Variants in UNC13C observed in about 807,000 individuals in gnomAD.
UNC13C encodes unc-13 homolog C, also known as protein unc-13 homolog C.
A neutral mutation model predicts 245.4 loss-of-function variants in UNC13C; 174 were observed. The observed-to-expected ratio is 0.71, with a 90% CI of 0.63 to 0.80. The LOEUF (loss-of-function observed/expected upper bound fraction) is 0.80. UNC13C is among the 30% of genes least tolerant of loss of function. The probability of loss-of-function intolerance (pLI) is 0.00; values close to 1 mark genes in which losing one functional copy is unlikely to be tolerated. For synonymous variants in UNC13C, 992 were observed against 895.1 expected (o/e 1.11, Z -1.93); for missense variants, 2,829 against 2,602.9 (o/e 1.09, Z -1.89).
At chr15:54,038,191 G>A (rs1444149520) in intron 2 of UNC13C, among the ~76,000 whole-genome samples, 1 of 137,104 alleles carries the variant, frequency 7.3e-6, no homozygotes, top group East Asian at 2.2e-4. Flanking sequence ...GTGTGACCTT[G>A]GCTTACTGCA....
At chr15:53,862,850 G>A in the UNC13C span, among the ~76,000 whole-genome samples, 1 of 152,046 alleles carries the variant, frequency 6.6e-6, no homozygotes, top group African/African-American at 2.4e-5. Flanking sequence ...TATGATTTGA[G>A]GGGTAACAAC....
chr15:53,837,782 C>T, the UNC13C span, among the ~76,000 whole-genome samples: 1 of 152,180 alleles, frequency 6.6e-6, no homozygotes, highest in African/African-American at 2.4e-5. Context: ...CATGGCATTT[C>T]CCCAAAGGAT....
chr15:54,141,969 T>C (rs2032043618), intron 2 of UNC13C, among the ~76,000 whole-genome samples: 1 of 152,144 alleles, frequency 6.6e-6, no homozygotes, highest in South Asian at 2.1e-4. Context: ...AATTTTAATC[T>C]TTCCATTGCT....
At chr15:54,110,878 A>T (rs187017742) in intron 2 of UNC13C, among the ~76,000 whole-genome samples, 1 of 152,316 alleles carries the variant, frequency 6.6e-6, no homozygotes, top group East Asian at 1.9e-4. Context: ...GTAACTGCAG[A>T]TAAGAGTAAA....
At chr15:54,571,102 G>C (rs541844148) in intron 30 of UNC13C, among the ~76,000 whole-genome samples, 10 of 152,198 alleles carry the variant, frequency 6.6e-5, no homozygotes, top group African/African-American at 2.2e-4. Context: ...CTGGTGGCAT[G>C]GTGTCAAAAA....
chr15:54,201,206 G>A (rs2034510632), intron 4 of UNC13C, among the ~76,000 whole-genome samples: 1 of 151,822 alleles, frequency 6.6e-6, no homozygotes, highest in Admixed American at 6.6e-5. Context: ...CCAGACCAGA[G>A]AAATTAATAG....
chr15:54,173,909 G>A (rs77279510), intron 4 of UNC13C, among the ~76,000 whole-genome samples: 2,666 of 152,044 alleles, frequency 0.018, 89 homozygotes, highest in African/African-American at 0.061. Context: ...AATCATAAAT[G>A]TGTGTTGAAT....
intron 17 of UNC13C, among the ~76,000 whole-genome samples, chr15:54,372,782 C>T (rs1197891739): frequency 6.6e-6 from 1 of 152,202 alleles, no homozygotes. Flanking sequence ...TGCTCTAAAG[C>T]AGTGCTGGCC....
intron 2 of UNC13C, chr15:54,049,490 A>G (rs916762238): frequency 3.8e-5 from 13 of 343,912 alleles, no homozygotes; most frequent in African/African-American, 2.7e-4. Context: ...GAGTTCAAAG[A>G]TACTTTAGTG....
In UNC13C at chr15:54,538,133, CAAAAAAAAAAAAAAAAAA is replaced by C. The variant is rs56041311; in HGVS notation, c.5696+5081_5696+5098del. Among the ~76,000 whole-genome samples, 8 of 10,248 alleles carry C rather than the reference CAAAAAAAAAAAAAAAAAA, an allele frequency of 7.8e-4. No homozygotes were observed. The East Asian group carries it at 0.023, about 30-fold the overall frequency. 6.7% of individuals were successfully genotyped at this position (10,248 alleles called of 152,430 possible). A position where few individuals can be genotyped will look rare whatever the true frequency, so the allele number is the denominator to read the frequency against. The stretch of plus-strand genomic sequence containing the variant: ...TAAGGAGCTTAAATACATTAACAAG[CAAAAAAAAAAAAAAAAAA>C]AAAAAAAAAAAAACCCATTAAAAAT... On this transcript the variant is annotated intron_variant, in intron 26 of 32. Coordinates refer to ENST00000260323, the MANE Select transcript of UNC13C (RefSeq NM_001080534.3).
chr15:54,240,630 C>T (rs1487175412), intron 7 of UNC13C, among the ~76,000 whole-genome samples: 1 of 152,146 alleles, frequency 6.6e-6, no homozygotes, highest in Non-Finnish European at 1.5e-5. Flanking sequence ...GGTGAAGCAT[C>T]GCCAGTGCCC....
chr15:53,914,356 T>G, the UNC13C span: 4 of 152,276 alleles, frequency 2.6e-5, no homozygotes, highest in African/African-American at 9.6e-5. Context: ...CTGTAAAAGG[T>G]AGAACTGCCC....
chr15:54,007,721 A>G (rs1895203805), intron 1 of UNC13C, among the ~76,000 whole-genome samples: 1 of 152,190 alleles, frequency 6.6e-6, no homozygotes, highest in Non-Finnish European at 1.5e-5. Flanking sequence ...GCACACATTT[A>G]TCTATGTAAC....
chr15:54,447,236 A>T (rs1264843022), intron 19 of UNC13C, among the ~76,000 whole-genome samples: 2 of 151,842 alleles, frequency 1.3e-5, no homozygotes, highest in African/African-American at 4.8e-5. Flanking sequence ...CATCAGGGAT[A>T]TTGGTCTAAA....
intron 30 of UNC13C, among the ~76,000 whole-genome samples, chr15:54,583,142 C>T (rs755377046): frequency 9.9e-5 from 15 of 152,102 alleles, no homozygotes; most frequent in African/African-American, 1.4e-4. Context: ...TTAAGCCTCA[C>T]GCCACACCAT....
chr15:54,511,851 C>T (rs1894761310), intron 24 of UNC13C, 21 bp downstream of exon 24: 1 of 1,567,246 alleles, frequency 6.4e-7, no homozygotes, highest in Non-Finnish European at 8.7e-7. Flanking sequence ...TTTTCTCCTA[C>T]ATTTGCTAAA....
chr15:54,381,404 T>C (rs1424598985), intron 17 of UNC13C, among the ~76,000 whole-genome samples: 2 of 152,104 alleles, frequency 1.3e-5, no homozygotes, highest in African/African-American at 4.8e-5. Flanking sequence ...CTTTTTTTTC[T>C]TTTTTTACAC....
chr15:53,973,818 G>A (rs991032261), upstream of UNC13C, among the ~76,000 whole-genome samples: 1 of 152,020 alleles, frequency 6.6e-6, no homozygotes, highest in African/African-American at 2.4e-5. Flanking sequence ...TCTATCCAAA[G>A]TCTAACAATC....
In UNC13C at chr15:54,181,136, T is replaced by C. The variant is rs933266679; in HGVS notation, c.3071+37452T>C. ...GATTTAAGAATCCTAGTTTGAAGTC[T>C]TGCATTTAAATCTTTAATCCATCTT... On this transcript the variant is annotated intron_variant, in intron 4 of 32. Transcript: ENST00000260323. 3.1e-4 allele frequency among the ~76,000 whole-genome samples: 47 copies of C among 152,080 alleles called. 1 individual carries two copies. The highest frequency in any genetic ancestry group is 1.6e-3 in the Admixed American group (24 of 15,252).
Sources: gnomAD v4.1 joint callset for allele counts (sites outside exome capture counted in the v4.1 genomes callset) on GRCh38, gnomAD v4.1.1 for gene constraint, MANE v1.5 for transcripts, NCBI Gene and HGNC (gene_info 2026-07-23, HGNC 2026-07-21) for gene names.